Variants in TASP1 observed in about 807,000 individuals in gnomAD.
TASP1 encodes threonine aspartase 1.
In TASP1, 16 loss-of-function variants were observed where a neutral mutation model predicts 56.6. The observed-to-expected ratio is 0.28, with a 90% CI of 0.19 to 0.43. The LOEUF (loss-of-function observed/expected upper bound fraction) is 0.43. Ranked by LOEUF, TASP1 falls within the 20% of genes least tolerant of loss-of-function variation. The pLI is 1.00. For synonymous variants in TASP1, 179 were observed against 184.2 expected (o/e 0.97, Z 0.23); for missense variants, 393 against 511.6 (o/e 0.77, Z 2.24).
the TASP1 span, among the ~76,000 whole-genome samples, chr20:13,289,344 A>C: frequency 1.3e-5 from 2 of 152,184 alleles, no homozygotes; most frequent in Non-Finnish European, 2.9e-5. Flanking sequence ...ATCTGCAGGA[A>C]AAAGACAGCC....
At chr20:13,222,545 G>C in the TASP1 span, among the ~76,000 whole-genome samples, 1 of 152,100 alleles carries the variant, frequency 6.6e-6, no homozygotes, top group Admixed American at 6.5e-5. Context: ...GCAGAGTGAA[G>C]GCACCGGTAG....
the TASP1 span, among the ~76,000 whole-genome samples, chr20:13,340,551 A>T: frequency 1.3e-5 from 2 of 151,948 alleles, no homozygotes; most frequent in East Asian, 3.9e-4. Context: ...TATATAATAG[A>T]TGTGCATATC....
chr20:13,369,507 T>A, the TASP1 span, among the ~76,000 whole-genome samples: 1 of 152,220 alleles, frequency 6.6e-6, no homozygotes, highest in African/African-American at 2.4e-5. Flanking sequence ...CTAGGTGGGC[T>A]TATCTGTATG....
the TASP1 span, among the ~76,000 whole-genome samples, chr20:13,136,693 TAA>T: frequency 4.8e-5 from 7 of 147,322 alleles, no homozygotes; most frequent in Admixed American, 3.4e-4. Context: ...AGTATATAAA[TAA>T]AAGTTATATA....
chr20:13,498,331 T>TTGTGTGTG (rs60099056), intron 10 of TASP1, among the ~76,000 whole-genome samples: 2,842 of 135,058 alleles, frequency 0.021, 45 homozygotes, highest in Middle Eastern at 0.038. Context: ...TTCTTTTCTT[T>TTGTGTGTG]TGTGTGTGTG....
the TASP1 span, among the ~76,000 whole-genome samples, chr20:13,301,689 T>C: frequency 6.6e-6 from 1 of 152,052 alleles, no homozygotes; most frequent in Non-Finnish European, 1.5e-5. Context: ...TTTATAATAA[T>C]GAGGAAATTT....
chr20:13,250,643 G>A, the TASP1 span, among the ~76,000 whole-genome samples: 3 of 152,310 alleles, frequency 2.0e-5, no homozygotes, highest in Admixed American at 6.5e-5. Flanking sequence ...GCATCAGGAT[G>A]TACATTTGGG....
the TASP1 span, among the ~76,000 whole-genome samples, chr20:13,225,460 A>ATATATATATATAACAC: frequency 6.6e-6 from 1 of 152,208 alleles, no homozygotes; most frequent in South Asian, 2.1e-4. Context: ...ATATATACAT[A>ATATATATATATAACAC]ATACACATAT....
intron 10 of TASP1, among the ~76,000 whole-genome samples, chr20:13,488,747 C>A (rs1028222626): frequency 5.9e-5 from 9 of 152,132 alleles, no homozygotes; most frequent in Non-Finnish European, 1.3e-4. Context: ...CAATTGGAAT[C>A]ATCTCATTCC....
At chr20:13,377,337 G>T in the TASP1 span, among the ~76,000 whole-genome samples, 1 of 152,282 alleles carries the variant, frequency 6.6e-6, no homozygotes, top group Non-Finnish European at 1.5e-5. Flanking sequence ...CAATCATGTG[G>T]TTTTTGCCAT....
At chr20:13,427,947 A>G (rs1026580681) in intron 12 of TASP1, among the ~76,000 whole-genome samples, 2 of 152,204 alleles carry the variant, frequency 1.3e-5, no homozygotes, top group Non-Finnish European at 2.9e-5. Flanking sequence ...CTTAATGGCA[A>G]GGTAACAATT....
chr20:13,609,139 C>T (rs920866276), intron 4 of TASP1, among the ~76,000 whole-genome samples: 9 of 151,982 alleles, frequency 5.9e-5, no homozygotes, highest in African/African-American at 2.2e-4. Context: ...TGAACAGACT[C>T]AAATAAACAT....
the TASP1 span, among the ~76,000 whole-genome samples, chr20:13,252,722 C>T: frequency 6.6e-6 from 1 of 152,020 alleles, no homozygotes; most frequent in African/African-American, 2.4e-5. Context: ...ACCACTTGCA[C>T]TCCAGCTTGG....
At chr20:13,311,133 G>T in the TASP1 span, among the ~76,000 whole-genome samples, 1 of 152,168 alleles carries the variant, frequency 6.6e-6, no homozygotes, top group Non-Finnish European at 1.5e-5. Flanking sequence ...AGCGGAGGTT[G>T]CAGTGAGCTG....
chr20:13,362,683 C>T, the TASP1 span, among the ~76,000 whole-genome samples: 13,439 of 151,234 alleles, frequency 0.089, 668 homozygotes, highest in African/African-American at 0.12. Context: ...CACATGGACG[C>T]GCATGAAAGA....
downstream of TASP1, among the ~76,000 whole-genome samples, chr20:13,387,184 A>ATTTTTTTTTTTTTTTTTTTTTTTTTT (rs779048448): frequency 1.7e-4 from 12 of 70,704 alleles, no homozygotes; most frequent in African/African-American, 8.0e-4. Flanking sequence ...ACATGATTTC[A>ATTTTTTTTTTTTTTTTTTTTTTTTTT]TTTTTTTTTT....
the TASP1 span, among the ~76,000 whole-genome samples, chr20:13,266,546 G>A: frequency 1.3e-5 from 2 of 152,126 alleles, no homozygotes; most frequent in Non-Finnish European, 1.5e-5. Flanking sequence ...CTCATAGATA[G>A]TTAACTCAAT....
intron 11 of TASP1, among the ~76,000 whole-genome samples, chr20:13,464,589 G>A (rs1281665037): frequency 6.6e-6 from 1 of 152,134 alleles, no homozygotes; most frequent in Non-Finnish European, 1.5e-5. Context: ...ATGAAATTCT[G>A]ACACATGCTA....
the TASP1 span, chr20:13,167,573 GA>G: frequency 2.0e-5 from 3 of 152,200 alleles, no homozygotes; most frequent in African/African-American, 7.2e-5. Flanking sequence ...GAAAGCAGAA[GA>G]TAAAGGTTCC....
Sources: allele counts gnomAD v4.1 joint callset (sites outside exome capture counted in the v4.1 genomes callset), GRCh38; gene constraint gnomAD v4.1.1; transcripts MANE v1.5; gene names NCBI Gene and HGNC (gene_info 2026-07-23, HGNC 2026-07-21).